The following WNT10A variants were observed in gnomAD, a reference collection of about 807,000 sequenced individuals.
The protein encoded by WNT10A is protein Wnt-10a.
In WNT10A, 37 loss-of-function variants were observed where a neutral mutation model predicts 36.1. The observed-to-expected ratio is 1.02, with a 90% CI of 0.79 to 1.35. WNT10A has a LOEUF of 1.35. Among genes scored for constraint, WNT10A ranks in the 40% most tolerant of loss-of-function variants. WNT10A has a pLI of 0.00. For missense variants in WNT10A, 613 were observed against 601.4 expected (o/e 1.02, Z -0.20); for synonymous variants, 255 against 254.1 (o/e 1.00, Z -0.03).
chr2:218,893,072 T>G lies in WNT10A; in HGVS notation c.1055T>G (p.Leu352Arg). 1 of 1,596,780 alleles carries G rather than the reference T, an allele frequency of 6.3e-7. No individual in the cohort carries two copies. Among genetic ancestry groups the G allele is most frequent in the Non-Finnish European group, 8.5e-7 (1 of 1,179,226 alleles). The change falls in exon 4 of 4, where the codon CTG (leucine) becomes CGG (arginine). Residue 352 changes from leucine to arginine, a missense_variant. By Grantham distance (102) the Leu-to-Arg change is moderately radical (BLOSUM62 -2). Coordinates refer to ENST00000258411, the MANE Select transcript of WNT10A (RefSeq NM_025216.3). This position sits in a 1 kb window ranked among gnomAD's most constrained non-coding sequence, Gnocchi z 6.3. ...GACTTCTGCGAGCGCGAGCCGCGCC[T>G]GGACTCGGCGGGCACCGTGGGCCGC... ...SPDFCEREPRLDSAGTVGRLC... is the reference protein window; with the variant it reads ...SPDFCEREPRRDSAGTVGRLC...
intron 3 of WNT10A, among the ~76,000 whole-genome samples, chr2:218,891,773 G>A (rs1175130905): frequency 6.6e-6 from 1 of 152,212 alleles, no homozygotes; most frequent in African/African-American, 2.4e-5. Context: ...TTCAGACCTC[G>A]AGGGGAAGGC....
In WNT10A at chr2:218,892,970, C is replaced by A. The variant is rs1157165664; in HGVS notation, c.953C>A (p.Pro318His). 3 of 1,448,836 alleles carry A rather than the reference C, an allele frequency of 2.1e-6. No homozygotes were observed. Among genetic ancestry groups the A allele is most frequent in the Non-Finnish European group, 1.8e-6 (2 of 1,108,542 alleles). The allele number at this position is 1,448,836 out of a possible 1,614,324, so 89.7% of individuals were successfully genotyped here. A position where few individuals can be genotyped will look rare whatever the true frequency, so the allele number is the denominator to read the frequency against. Reference protein sequence around the residue: ...GQLEPGPAGAPSPAPGAPGPR... With the variant: ...GQLEPGPAGAHSPAPGAPGPR... ...CTGGAGCCGGGCCCAGCGGGGGCAC[C>A]CTCGCCGGCTCCGGGCGCTCCCGGG... is the stretch of plus-strand genomic sequence containing the variant. The change falls in exon 4 of 4, where the codon CCC (proline) becomes CAC (histidine). Residue 318 changes from proline to histidine, a missense_variant. Coordinates refer to ENST00000258411, the MANE Select transcript of WNT10A (RefSeq NM_025216.3).
upstream of WNT10A, among the ~76,000 whole-genome samples, chr2:218,879,499 G>A (rs1173199861): frequency 6.6e-6 from 1 of 152,232 alleles, no homozygotes; most frequent in African/African-American, 2.4e-5. Context: ...TGGCTCTCAG[G>A]CCCTTGCTTG....
rs769786368 is a variant in WNT10A at position 218,890,308 on chromosome 2, C to A, written c.701C>A (p.Pro234His). Reference sequence around the variant, plus strand: ...AAGGACTTTCTGGACTCCCGGGAGCCTCACAGAGACATCCACGCGAGAATG... The same window carrying A: ...AAGGACTTTCTGGACTCCCGGGAGCATCACAGAGACATCCACGCGAGAATG... ...FSKDFLDSRE[P>H]HRDIHARMRL... is the part of the protein sequence containing the mutation. The change falls in exon 3 of 4, where the codon CCT becomes CAT. Residue 234 changes from proline (P) to histidine (H), a missense_variant. Transcript: ENST00000258411. 2 of 1,604,234 alleles carry A rather than the reference C, an allele frequency of 1.2e-6. No homozygotes were observed. The highest frequency in any genetic ancestry group is 2.2e-5 in the South Asian group (2 of 91,080).
At chr2:218,889,206 A>G (rs1944616687) in intron 2 of WNT10A, among the ~76,000 whole-genome samples, 1 of 152,226 alleles carries the variant, frequency 6.6e-6, no homozygotes, top group Non-Finnish European at 1.5e-5. Flanking sequence ...TACTTCACTT[A>G]GAATAATAGT....
chr2:218,876,967 G>A (rs1009293203), upstream of WNT10A, among the ~76,000 whole-genome samples: 3 of 152,122 alleles, frequency 2.0e-5, no homozygotes, highest in Non-Finnish European at 4.4e-5. Flanking sequence ...TGTCTGGGAC[G>A]TCTGGGCTGG....
rs1166558151 is a variant in WNT10A at position 218,893,187 on chromosome 2, G to A, written c.1170G>A (p.Glu390=). 6.3e-7 allele frequency: 1 copy of A among 1,580,072 alleles called. No individual in the cohort carries two copies. The highest frequency in any genetic ancestry group is 8.5e-7 in the Non-Finnish European group (1 of 1,169,884). Residue 390 remains glutamate (E), a synonymous_variant, in exon 4 of 4, where the codon GAG becomes GAA. Transcript: ENST00000258411. The surrounding 1 kb of genome is among the most constrained non-coding windows in gnomAD (Gnocchi z 6.3). ...ACATCCTGCGCCAGACGCGCAGCGA[G>A]CGCTGCCACTGCCGCTTCCACTGGT... ...GHNILRQTRS[E]RCHCRFHWCC...
At chr2:218,888,427 G>A (rs1436575222) in intron 2 of WNT10A, among the ~76,000 whole-genome samples, 11 of 152,244 alleles carry the variant, frequency 7.2e-5, no homozygotes, top group Non-Finnish European at 1.6e-4. Context: ...CCTAGCCGCG[G>A]CCCCCAAGAG....
At chr2:218,890,477 A>G (rs1468819258) in intron 3 of WNT10A, 114 bp downstream of exon 3, 118 of 1,455,068 alleles carry the variant, frequency 8.1e-5, no homozygotes, top group Non-Finnish European at 1.1e-4. Context: ...CACCTTGGCA[A>G]TCTTCTCGTT....
upstream of WNT10A, among the ~76,000 whole-genome samples, chr2:218,877,163 C>T (rs1944459763): frequency 6.6e-6 from 1 of 152,212 alleles, no homozygotes; most frequent in Admixed American, 6.5e-5. The surrounding 1 kb of genome is among the most constrained non-coding windows in gnomAD (Gnocchi z 4.1). Context: ...TTGTATGGTA[C>T]AATGAAAAAT....
In WNT10A at chr2:218,880,873, C is replaced by CCGAGT; in HGVS notation, c.-120_-116dup. ...CGCCGTCTGCTCCGGGAGCCCTGAC[C>CCGAGT]CGAGTCGGAGCTGTGTGTCGCAGCC... On this transcript the variant is annotated 5_prime_UTR_variant, in exon 1 of 4. Transcript: ENST00000258411. The surrounding 1 kb of genome is among the most constrained non-coding windows in gnomAD (Gnocchi z 7.7). 1 of 1,250,426 alleles carries CCGAGT rather than the reference C, an allele frequency of 8.0e-7. No homozygotes were observed. The highest frequency in any genetic ancestry group is 1.6e-5 in the South Asian group (1 of 60,646). 77.5% of individuals were successfully genotyped at this position (1,250,426 alleles called of 1,614,324 possible).
rs532784015 is a variant in WNT10A at position 218,886,737 on chromosome 2, C to T, written c.377-3247C>T. Among the ~76,000 whole-genome samples the T allele has an allele frequency of 3.3e-4, 50 of 152,168 alleles. 2 individuals are homozygous for T. Among genetic ancestry groups the T allele is most frequent in the Non-Finnish European group, 7.4e-5 (5 of 68,012 alleles). On this transcript the variant is annotated intron_variant, in intron 2 of 3. Coordinates refer to ENST00000258411, the MANE Select transcript of WNT10A (RefSeq NM_025216.3). ...GCACAGTGCCTGTGTCTGCCCCAGA[C>T]AGCTGGGGCCAGAACCGAAACTGGG...
chr2:218,889,997 C>T lies in WNT10A; in HGVS notation c.390C>T (p.Ser130=), dbSNP rs201002930. Reference sequence around the variant, plus strand: ...CTTTAACCACAGGTTTCCGAGAGAGCGCTTTTGCCTACGCCATCGCAGCAG... The same window carrying T: ...CTTTAACCACAGGTTTCCGAGAGAGTGCTTTTGCCTACGCCATCGCAGCAG... The part of the protein sequence containing the change: ...SPIFSRGFRE[S]AFAYAIAAAG... Residue 130 remains serine, a synonymous_variant, in exon 3 of 4, where the codon AGC becomes AGT. Transcript: ENST00000258411. 22 of 1,612,952 alleles carry T rather than the reference C, an allele frequency of 1.4e-5. No individual in the cohort carries two copies. In the East Asian group the frequency reaches 2.2e-4, roughly 16 times the overall value.
intron 1 of WNT10A, 115 bp downstream of exon 1, chr2:218,881,223 A>T: frequency 6.8e-7 from 1 of 1,474,948 alleles, no homozygotes; most frequent in Non-Finnish European, 9.3e-7. Context: ...ACAGGGTCAT[A>T]GGAAAGTGCT....
At chr2:218,885,631 C>A (rs1267768983) in intron 2 of WNT10A, among the ~76,000 whole-genome samples, 2 of 152,228 alleles carry the variant, frequency 1.3e-5, no homozygotes, top group African/African-American at 4.8e-5. Context: ...AAAGAGAGGG[C>A]ATGAGGCCCT....
chr2:218,884,490 C>T (rs1944557144), intron 2 of WNT10A, among the ~76,000 whole-genome samples: 1 of 152,136 alleles, frequency 6.6e-6, no homozygotes, highest in Admixed American at 6.5e-5. Flanking sequence ...TTCCGCTCCC[C>T]AGCTCCCTAT....
intron 3 of WNT10A, 23 bp downstream of exon 3, chr2:218,890,386 T>G: frequency 6.3e-7 from 1 of 1,599,274 alleles, no homozygotes; most frequent in Non-Finnish European, 8.5e-7. Context: ...CCCCTGGGTC[T>G]GCTTCAAATC....
intron 1 of WNT10A, among the ~76,000 whole-genome samples, chr2:218,881,570 T>TGTGTG (rs1205089452): frequency 0.011 from 1,529 of 139,340 alleles, 29 homozygotes; most frequent in African/African-American, 0.042. Flanking sequence ...GTGTGTGTGT[T>TGTGTG]TTCAATCGAG....
intron 1 of WNT10A, 134 bp from the exon 2 acceptor site, chr2:218,882,027 T>A: frequency 4.9e-6 from 6 of 1,217,852 alleles, no homozygotes; most frequent in Non-Finnish European, 6.9e-6. Flanking sequence ...AGGAGTGTAC[T>A]GATGGGCCCA....
Sources: allele counts gnomAD v4.1 joint callset (sites outside exome capture counted in the v4.1 genomes callset), GRCh38; gene constraint gnomAD v4.1.1; non-coding constraint Gnocchi (gnomAD v3.1); transcripts MANE v1.5; gene names NCBI Gene and HGNC (gene_info 2026-07-23, HGNC 2026-07-21).